Variants in PTPRC observed in about 807,000 individuals in gnomAD.
The protein encoded by PTPRC is receptor-type tyrosine-protein phosphatase C.
Under a neutral mutation model 155.9 loss-of-function variants are expected in PTPRC, and 44 were observed. The ratio of observed to expected loss-of-function variants is 0.28; its 90% CI spans 0.22 to 0.36. PTPRC has a LOEUF of 0.36. PTPRC is among the 10% of genes least tolerant of loss of function. The probability of loss-of-function intolerance (pLI) is 1.00; values close to 1 mark genes in which losing one functional copy is unlikely to be tolerated. For synonymous variants in PTPRC, 525 were observed against 533.1 expected (o/e 0.98, Z 0.21); for missense variants, 1,401 against 1,564.6 (o/e 0.90, Z 1.76).
Position 198,718,084 on chromosome 1 carries a change from A to G in PTPRC, c.1451-10A>G. 6.3e-7 allele frequency: 1 copy of G among 1,595,190 alleles called. No individual in the cohort carries two copies. Among genetic ancestry groups the G allele is most frequent in the East Asian group, 2.2e-5 (1 of 44,802 alleles). The stretch of plus-strand genomic sequence containing the variant: ...AATTATTAATAACAAATCTTTCTTC[A>G]TTTTGATAGCTCCAAGCCAGGTCTG... On this transcript the variant is annotated splice_polypyrimidine_tract_variant and intron_variant, in intron 13 of 32. Transcript: ENST00000442510.
intron 7 of PTPRC, 123 bp downstream of exon 7, chr1:198,703,495 C>A: frequency 6.7e-7 from 1 of 1,482,560 alleles, no homozygotes; most frequent in Non-Finnish European, 9.3e-7. Flanking sequence ...GTGTTTGAAT[C>A]CTGAGGGTGA....
At position 198,754,502 on chromosome 1, in the gene PTPRC, G is replaced by A. The variant is rs538383805; in HGVS notation, c.3645+98G>A. 31 of 1,416,986 alleles carry A rather than the reference G, an allele frequency of 2.2e-5. No individual in the cohort carries two copies. The African/African-American group carries it at 4.0e-4, about 18-fold the overall frequency. The allele number at this position is 1,416,986 out of a possible 1,614,324, so 87.8% of individuals were successfully genotyped here. On this transcript the variant is annotated intron_variant, in intron 32 of 32. Transcript: ENST00000442510. The stretch of plus-strand genomic sequence containing the variant: ...TTTCTCCTCTCCTTTCCTCTCGTTT[G>A]TTCTTTTTTCCCCTTTCCTTTTCTC...
At chr1:198,740,249 A>G (rs2102509357) in intron 23 of PTPRC, among the ~76,000 whole-genome samples, 1 of 152,000 alleles carries the variant, frequency 6.6e-6, no homozygotes, top group Non-Finnish European at 1.5e-5. Flanking sequence ...AAAAAATACA[A>G]AGCATCAATG....
intron 15 of PTPRC, among the ~76,000 whole-genome samples, chr1:198,725,067 G>T (rs555150559): frequency 3.3e-5 from 5 of 152,234 alleles, no homozygotes; most frequent in African/African-American, 1.2e-4. Flanking sequence ...CTCCCAAAGT[G>T]CTGGGATTAC....
intron 2 of PTPRC, among the ~76,000 whole-genome samples, chr1:198,650,728 C>A (rs903845017): frequency 6.6e-5 from 10 of 151,852 alleles, no homozygotes; most frequent in African/African-American, 2.4e-4. Context: ...TAAGGGACTG[C>A]ATGTGACAGT....
chr1:198,719,184 G>T (rs1342043101), intron 14 of PTPRC, among the ~76,000 whole-genome samples: 1 of 151,890 alleles, frequency 6.6e-6, no homozygotes, highest in Non-Finnish European at 1.5e-5. Flanking sequence ...TTGCCCTGGT[G>T]TATCAGTGTA....
rs1177767966 is a variant in PTPRC, at chr1:198,703,505, A to G, written c.658+133A>G. The G allele has an allele frequency of 3.6e-6, 5 of 1,376,754 alleles. No homozygotes were observed. In the African/African-American group the frequency reaches 5.7e-5, roughly 16 times the overall value. 85.3% of individuals were successfully genotyped at this position (1,376,754 alleles called of 1,614,324 possible). ...ATTAAGTGTTTGAATCCTGAGGGTG[A>G]TGGAACAGCAGGAAGATATTTCTCT... On this transcript the variant is annotated intron_variant, in intron 7 of 32. Transcript: ENST00000442510.
intron 3 of PTPRC, chr1:198,694,200 A>G: frequency 6.9e-7 from 1 of 1,439,504 alleles, no homozygotes. Context: ...AGCAGGAAGC[A>G]GCCAGCACGA....
At chr1:198,639,205 A>G in intron 1 of PTPRC, 21 bp from the exon 2 acceptor site, 1 of 1,328,510 alleles carries the variant, frequency 7.5e-7, no homozygotes, top group Non-Finnish European at 1.1e-6. Context: ...CTACAGAGAT[A>G]ACAATTATTT....
chr1:198,744,086 G>A lies in PTPRC; in HGVS notation c.2730G>A (p.Val910=), dbSNP rs1464921393. 1 of 1,605,682 alleles carries A rather than the reference G, an allele frequency of 6.2e-7. No individual in the cohort carries two copies. Among genetic ancestry groups the A allele is most frequent in the Admixed American group, 1.7e-5 (1 of 59,744 alleles). Reference sequence around the variant, plus strand: ...ACATCTTGATCCATCAGGCTTTGGTGGAATACAATCAGTTTGGAGAAACAG... The same window carrying A: ...ACATCTTGATCCATCAGGCTTTGGTAGAATACAATCAGTTTGGAGAAACAG... ...AQYILIHQAL[V]EYNQFGETEV... Residue 910 remains valine (V), a synonymous_variant, in exon 26 of 33, where the codon GTG becomes GTA. Coordinates refer to ENST00000442510, the MANE Select transcript of PTPRC (RefSeq NM_002838.5).
intron 2 of PTPRC, 117 bp from the exon 3 acceptor site, chr1:198,692,230 G>T: frequency 4.4e-6 from 3 of 684,348 alleles, no homozygotes; most frequent in Non-Finnish European, 6.9e-6. Context: ...ACTGAAAATT[G>T]CCACTTGGTG....
intron 14 of PTPRC, among the ~76,000 whole-genome samples, chr1:198,719,931 G>T (rs1291929724): frequency 1.3e-5 from 2 of 152,120 alleles, no homozygotes; most frequent in Admixed American, 6.5e-5. Context: ...ATCACTTAAA[G>T]AAGTGTTTTC....
At chr1:198,750,214 T>G in intron 28 of PTPRC, 1 of 434,166 alleles carries the variant, frequency 2.3e-6, no homozygotes, top group South Asian at 2.2e-5. Context: ...TTAACCTTTA[T>G]AGAGAAACAA....
chr1:198,709,364 A>G (rs927606244), intron 10 of PTPRC, among the ~76,000 whole-genome samples: 3 of 152,188 alleles, frequency 2.0e-5, no homozygotes, highest in Non-Finnish European at 2.9e-5. Flanking sequence ...TATATGAAAC[A>G]TAAATGAATT....
intron 12 of PTPRC, among the ~76,000 whole-genome samples, chr1:198,714,099 TTCCAGGAAGATAAAACAGCAGAGGTACTG>T (rs1232008499): frequency 6.6e-6 from 1 of 152,126 alleles, no homozygotes; most frequent in African/African-American, 2.4e-5. Flanking sequence ...AAAATGGAAA[TTCCAGGAAGATAAAACAGCAGAGGTACTG>T]TCTGCCTCAT....
chr1:198,714,420 A>G (rs1653464719), intron 12 of PTPRC, among the ~76,000 whole-genome samples: 1 of 152,212 alleles, frequency 6.6e-6, no homozygotes, highest in Non-Finnish European at 1.5e-5. Context: ...CATTACAGCA[A>G]CTAGCATGGG....
At chr1:198,680,644 C>T (rs1665268580) in intron 2 of PTPRC, among the ~76,000 whole-genome samples, 1 of 151,510 alleles carries the variant, frequency 6.6e-6, no homozygotes, top group South Asian at 2.1e-4. Context: ...ATCTAGCATG[C>T]ATGGGGAAGG....
intron 3 of PTPRC, chr1:198,693,933 AG>A: frequency 7.0e-7 from 1 of 1,437,976 alleles, no homozygotes; most frequent in Non-Finnish European, 9.2e-7. Flanking sequence ...GGTTCTCTAG[AG>A]GGACAGAACT....
intron 10 of PTPRC, among the ~76,000 whole-genome samples, chr1:198,708,701 T>C (rs888245500): frequency 5.3e-5 from 8 of 152,150 alleles, no homozygotes; most frequent in African/African-American, 1.9e-4. Context: ...ACAAAATTCA[T>C]ACACAAGTTC....
Sources: allele counts gnomAD v4.1 joint callset (sites outside exome capture counted in the v4.1 genomes callset), GRCh38; gene constraint gnomAD v4.1.1; transcripts MANE v1.5; gene names NCBI Gene and HGNC (gene_info 2026-07-23, HGNC 2026-07-21).